Variants in HS3ST4 observed in about 807,000 individuals in gnomAD.
The protein encoded by HS3ST4 is heparan sulfate-glucosamine 3-sulfotransferase 4, also known as heparan sulfate glucosamine 3-O-sulfotransferase 4.
Under a neutral mutation model 29.2 loss-of-function variants are expected in HS3ST4, and 17 were observed. The ratio of observed to expected loss-of-function variants is 0.58; its 90% CI spans 0.40 to 0.87. The LOEUF (loss-of-function observed/expected upper bound fraction) is 0.87, where lower values mean the gene tolerates loss of function less well. HS3ST4 is among the 40% of genes least tolerant of loss of function. The probability of loss-of-function intolerance (pLI) is 0.00; values close to 1 mark genes in which losing one functional copy is unlikely to be tolerated. For synonymous variants in HS3ST4, 314 were observed against 285.7 expected (o/e 1.10, Z -1.00); for missense variants, 627 against 634.5 (o/e 0.99, Z 0.13).
intron 1 of HS3ST4, among the ~76,000 whole-genome samples, chr16:25,958,901 A>G (rs1333389364): frequency 6.6e-6 from 1 of 152,198 alleles, no homozygotes; most frequent in Non-Finnish European, 1.5e-5. Context: ...CAAGCCTTCA[A>G]AATGTGTGAT....
intron 1 of HS3ST4, among the ~76,000 whole-genome samples, chr16:25,934,061 A>G (rs1321273265): frequency 6.6e-6 from 1 of 152,206 alleles, no homozygotes; most frequent in African/African-American, 2.4e-5. Context: ...GACGCCTTTC[A>G]ACCTTGAGGC....
At chr16:25,704,959 T>G (rs935518550) in intron 1 of HS3ST4, among the ~76,000 whole-genome samples, 1 of 151,958 alleles carries the variant, frequency 6.6e-6, no homozygotes, top group African/African-American at 2.4e-5. Context: ...TGCACTCAAG[T>G]AATCCTACAG....
At chr16:26,069,683 T>C (rs1050168110) in intron 1 of HS3ST4, among the ~76,000 whole-genome samples, 1 of 150,888 alleles carries the variant, frequency 6.6e-6, no homozygotes, top group Non-Finnish European at 1.5e-5. Flanking sequence ...ATTAGGTATA[T>C]CTCCTAATGC....
chr16:26,135,990 A>T lies in HS3ST4; in HGVS notation c.1113A>T (p.Val371=), dbSNP rs1001659241. The change falls in exon 2 of 2, where the codon GTA becomes GTT. Residue 371 remains valine (V), a synonymous_variant. Coordinates refer to ENST00000331351, the MANE Select transcript of HS3ST4 (RefSeq NM_006040.3). ...ACCCCGCCGGGGAAATGGCCAAAGT[A>T]CAGGATTTTCTAGGCCTCAAACGTG... is the stretch of plus-strand genomic sequence containing the variant. ...IVDPAGEMAK[V]QDFLGLKRVV... 1 of 1,614,024 alleles carries T rather than the reference A, an allele frequency of 6.2e-7. No homozygotes were observed. Among genetic ancestry groups the T allele is most frequent in the Non-Finnish European group, 8.5e-7 (1 of 1,179,886 alleles).
chr16:25,967,489 T>A (rs1315494195), intron 1 of HS3ST4, among the ~76,000 whole-genome samples: 1 of 152,208 alleles, frequency 6.6e-6, no homozygotes, highest in Non-Finnish European at 1.5e-5. Context: ...CCAAAATATT[T>A]TGCTTTTTAT....
intron 1 of HS3ST4, among the ~76,000 whole-genome samples, chr16:26,057,398 G>A (rs1898422969): frequency 6.6e-6 from 1 of 152,158 alleles, no homozygotes; most frequent in Admixed American, 6.5e-5. Flanking sequence ...CTGAAACTCA[G>A]GTGTGGCCAT....
intron 1 of HS3ST4, among the ~76,000 whole-genome samples, chr16:26,025,571 G>A (rs568012593): frequency 6.6e-5 from 10 of 152,300 alleles, no homozygotes; most frequent in African/African-American, 2.4e-4. Context: ...TGATTGGCTT[G>A]TGATGTGCCA....
At chr16:26,018,914 C>T (rs1344309532) in intron 1 of HS3ST4, among the ~76,000 whole-genome samples, 1 of 151,798 alleles carries the variant, frequency 6.6e-6, no homozygotes, top group East Asian at 1.9e-4. Context: ...AGTTTCAATA[C>T]AGTCACCCTG....
At position 25,900,804 on chromosome 16, in the gene HS3ST4, C is replaced by A. The variant is rs373246262; in HGVS notation, c.734+207653C>A. Among the ~76,000 whole-genome samples, 4 of 148,194 alleles carry A rather than the reference C, an allele frequency of 2.7e-5. No individual in the cohort carries two copies. The South Asian group carries it at 8.7e-4, about 32-fold the overall frequency. ...TGGGACCTCAGGGAGTGACATGGGA[C>A]CTCAGGGAGAACTAGGGATTTTTTT... is the stretch of plus-strand genomic sequence containing the variant. On this transcript the variant is annotated intron_variant, in intron 1 of 1. Transcript: ENST00000331351.
At chr16:25,881,495 AGGG>A (rs1345365635) in intron 1 of HS3ST4, among the ~76,000 whole-genome samples, 2 of 152,206 alleles carry the variant, frequency 1.3e-5, no homozygotes, top group Admixed American at 6.5e-5. Context: ...ATGGCAGTAA[AGGG>A]CACCTGGATG....
intron 1 of HS3ST4, among the ~76,000 whole-genome samples, chr16:25,698,218 C>T (rs547507495): frequency 7.9e-5 from 12 of 152,192 alleles, no homozygotes; most frequent in African/African-American, 2.9e-4. Context: ...GCATGTACCA[C>T]GAGGCCAGGA....
At chr16:26,092,821 A>ATTTCCC (rs1353476204) in intron 1 of HS3ST4, among the ~76,000 whole-genome samples, 2 of 152,092 alleles carry the variant, frequency 1.3e-5, no homozygotes, top group African/African-American at 2.4e-5. Context: ...GGGTCGGGGA[A>ATTTCCC]TTTCCCTTTC....
intron 1 of HS3ST4, among the ~76,000 whole-genome samples, chr16:25,754,548 G>A (rs1966743675): frequency 6.6e-6 from 1 of 151,948 alleles, no homozygotes; most frequent in Non-Finnish European, 1.5e-5. Flanking sequence ...AATCTATAAA[G>A]GAAAGGGGTT....
chr16:26,014,883 G>A (rs535088966), intron 1 of HS3ST4, among the ~76,000 whole-genome samples: 15 of 152,252 alleles, frequency 9.9e-5, no homozygotes, highest in Non-Finnish European at 2.1e-4. Flanking sequence ...ATGATTGAGA[G>A]GTCCAGAGCT....
intron 1 of HS3ST4, among the ~76,000 whole-genome samples, chr16:25,844,375 T>A (rs1416948000): frequency 6.6e-6 from 1 of 152,248 alleles, no homozygotes; most frequent in Non-Finnish European, 1.5e-5. Context: ...TTATCTGAAA[T>A]TTTATTTTAT....
At chr16:25,887,132 G>T (rs1967961806) in intron 1 of HS3ST4, among the ~76,000 whole-genome samples, 2 of 152,088 alleles carry the variant, frequency 1.3e-5, no homozygotes, top group South Asian at 2.1e-4. Context: ...ACCTGGGGGT[G>T]GGGGAGAAAA....
At chr16:26,052,639 G>A (rs2141766452) in intron 1 of HS3ST4, among the ~76,000 whole-genome samples, 1 of 152,312 alleles carries the variant, frequency 6.6e-6, no homozygotes, top group East Asian at 1.9e-4. Flanking sequence ...CCAAAGTGCT[G>A]GGATTACAGG....
chr16:25,896,583 G>C (rs1386131102), intron 1 of HS3ST4, among the ~76,000 whole-genome samples: 1 of 152,104 alleles, frequency 6.6e-6, no homozygotes, highest in Non-Finnish European at 1.5e-5. Flanking sequence ...TGTGGAGAGG[G>C]GAGATTTCTC....
intron 1 of HS3ST4, among the ~76,000 whole-genome samples, chr16:25,955,202 C>A (rs1418797774): frequency 6.6e-6 from 1 of 152,102 alleles, no homozygotes; most frequent in East Asian, 1.9e-4. Flanking sequence ...TACCCTGGAC[C>A]TCTGGTGCAG....
Sources: gnomAD v4.1 joint callset for allele counts (sites outside exome capture counted in the v4.1 genomes callset) on GRCh38, gnomAD v4.1.1 for gene constraint, MANE v1.5 for transcripts, NCBI Gene and HGNC (gene_info 2026-07-23, HGNC 2026-07-21) for gene names.